HSPA12A: variants seen among roughly 807,000 people sequenced by gnomAD.
HSPA12A encodes heat shock 70 kDa protein 12A.
A neutral mutation model predicts 69.2 loss-of-function variants in HSPA12A; 28 were observed. The observed-to-expected ratio is 0.40, with a 90% CI of 0.30 to 0.55. The LOEUF (loss-of-function observed/expected upper bound fraction) is 0.55. Ranked by LOEUF, HSPA12A falls within the 20% of genes least tolerant of loss-of-function variation. HSPA12A has a pLI of 0.38. For missense variants in HSPA12A, 686 were observed against 900.7 expected (o/e 0.76, Z 3.05); for synonymous variants, 345 against 370.5 (o/e 0.93, Z 0.79).
At chr10:116,711,833 T>G (rs78342012) in intron 1 of HSPA12A, among the ~76,000 whole-genome samples, 157 of 112,420 alleles carry the variant, frequency 1.4e-3, no homozygotes, top group Admixed American at 3.4e-3. Context: ...CCAGCTAATG[T>G]TTTTTTTTTT....
At chr10:116,739,036 C>G (rs1851398296) in intron 1 of HSPA12A, among the ~76,000 whole-genome samples, 1 of 152,340 alleles carries the variant, frequency 6.6e-6, no homozygotes, top group East Asian at 1.9e-4. Flanking sequence ...AACCAGCGCC[C>G]TGTCACTACC....
chr10:116,782,122 C>T (rs1394543757), intron 2 of HSPA12A, among the ~76,000 whole-genome samples: 4 of 152,140 alleles, frequency 2.6e-5, no homozygotes, highest in South Asian at 2.1e-4. Flanking sequence ...AAGAGACGTT[C>T]GCAGAGATGC....
At position 116,835,007 on chromosome 10, in the gene HSPA12A, C is replaced by A. The variant is rs560278798; in HGVS notation, c.19G>T (p.Val7Leu). 23 of 1,231,162 alleles carry A rather than the reference C, an allele frequency of 1.9e-5. No homozygotes were observed. In the African/African-American group the frequency reaches 2.3e-4, roughly 12 times the overall value. 76.3% of individuals were successfully genotyped at this position (1,231,162 alleles called of 1,614,324 possible). ...GCTTTACACCCACAGAATCCGTACA[C>A]GCCAACACTCTCCATCTGTAGGAGG... The change falls in exon 2 of 13, where the codon GTG becomes TTG. Residue 7 changes from valine to leucine, a missense_variant. Coordinates refer to the HSPA12A transcript ENST00000635765.
At chr10:116,813,278 C>T (rs1845231351) in intron 2 of HSPA12A, among the ~76,000 whole-genome samples, 2 of 92,806 alleles carry the variant, frequency 2.2e-5, no homozygotes, top group Admixed American at 1.6e-4. Context: ...TGGAGTCTTG[C>T]TCTGTTGCCC....
chr10:116,745,076 G>A (rs535165957), upstream of HSPA12A, among the ~76,000 whole-genome samples: 3 of 152,136 alleles, frequency 2.0e-5, no homozygotes, highest in South Asian at 6.2e-4. Flanking sequence ...TCCTTCAAGA[G>A]AATCAATCAC....
rs376895420 is a variant in HSPA12A at position 116,679,490 on chromosome 10, G to A, written c.1286+13C>T. ...TAGAATGTCCAGAGCCCGAGGTGAT[G>A]AGCCCAACTCACTTGCTTTTCCGCA... is the stretch of plus-strand genomic sequence containing the variant. On this transcript the variant is annotated intron_variant, in intron 10 of 11. Transcript: ENST00000369209. 16 of 1,610,272 alleles carry A rather than the reference G, an allele frequency of 9.9e-6. No individual in the cohort carries two copies. The highest frequency in any genetic ancestry group is 2.2e-5 in the East Asian group (1 of 44,826).
chr10:116,715,999 C>T (rs989611503), intron 1 of HSPA12A, among the ~76,000 whole-genome samples: 1 of 152,196 alleles, frequency 6.6e-6, no homozygotes, highest in East Asian at 1.9e-4. Flanking sequence ...CTGGCCCCCT[C>T]GCAGATGACA....
chr10:116,800,542 C>T (rs536684967), intron 2 of HSPA12A, among the ~76,000 whole-genome samples: 4 of 152,324 alleles, frequency 2.6e-5, no homozygotes, highest in South Asian at 2.1e-4. Context: ...AGGAGCTACC[C>T]GGCAAGCTTT....
chr10:116,762,320 CT>C (rs774199155), intron 2 of HSPA12A, among the ~76,000 whole-genome samples: 5 of 152,232 alleles, frequency 3.3e-5, no homozygotes, highest in Non-Finnish European at 7.3e-5. Flanking sequence ...TCCCTCACCC[CT>C]AATCCATTTC....
At chr10:116,705,824 G>A (rs1158071715) in intron 2 of HSPA12A, among the ~76,000 whole-genome samples, 2 of 151,698 alleles carry the variant, frequency 1.3e-5, no homozygotes, top group East Asian at 1.9e-4. Flanking sequence ...GACTGTCAGG[G>A]CCCAGGGCCT....
At chr10:116,831,662 A>G (rs1055634403) in intron 2 of HSPA12A, 1 of 152,222 alleles carries the variant, frequency 6.6e-6, no homozygotes, top group African/African-American at 2.4e-5. Context: ...GGAGTCTATC[A>G]ATGCCACAAA....
At chr10:116,819,917 C>T (rs933221143) in intron 2 of HSPA12A, among the ~76,000 whole-genome samples, 1 of 152,158 alleles carries the variant, frequency 6.6e-6, no homozygotes, top group Non-Finnish European at 1.5e-5. Flanking sequence ...GCCTCAACTT[C>T]CTGGGCTCAA....
chr10:116,739,954 C>T (rs1173651639), intron 1 of HSPA12A, among the ~76,000 whole-genome samples: 26 of 152,078 alleles, frequency 1.7e-4, no homozygotes, highest in Non-Finnish European at 3.4e-4. Context: ...CCCAACACCA[C>T]CTACCCACCA....
intron 2 of HSPA12A, among the ~76,000 whole-genome samples, chr10:116,818,517 T>C (rs1040408042): frequency 2.0e-5 from 3 of 151,156 alleles, no homozygotes; most frequent in African/African-American, 4.9e-5. Context: ...GCCCGCCCCA[T>C]AGTCAGATCG....
Position 116,842,369 on chromosome 10 carries a change from A to C in HSPA12A, c.3+7197T>G, listed in dbSNP as rs58914513. Among the ~76,000 whole-genome samples the C allele has an allele frequency of 2.5e-3, 374 of 152,302 alleles. 10 individuals are homozygous for C. In the East Asian group the frequency reaches 0.058, roughly 23 times the overall value. ...CTCTTCTTTGCTGCCCCCTATGTGG[A>C]AACTACCTTTAACATTTTCTTCACT... On this transcript the variant is annotated intron_variant, in intron 1 of 12. Transcript: ENST00000635765.
chr10:116,730,957 C>T (rs1433323250), intron 1 of HSPA12A, among the ~76,000 whole-genome samples: 3 of 152,184 alleles, frequency 2.0e-5, no homozygotes, highest in Admixed American at 6.5e-5. Flanking sequence ...GGGGAGAAGC[C>T]GAGGAGCTTG....
chr10:116,744,112 G>A (rs1047766580), upstream of HSPA12A, among the ~76,000 whole-genome samples: 1 of 152,150 alleles, frequency 6.6e-6, no homozygotes, highest in Non-Finnish European at 1.5e-5. Flanking sequence ...CATGCTTTGT[G>A]ATCTGGTCTG....
rs181461479 is a variant in HSPA12A at position 116,817,170 on chromosome 10, C to A, written c.91+17765G>T. 3.9e-3 allele frequency among the ~76,000 whole-genome samples: 589 copies of A among 152,152 alleles called. 4 individuals are homozygous for A. Among genetic ancestry groups the A allele is most frequent in the African/African-American group, 0.013 (546 of 41,498 alleles). Reference sequence around the variant, plus strand: ...GTTACAATTAACAAAAGGAGAAACCCATTTGCTGTTTTTTTTCCCGGGGAT... The same window carrying A: ...GTTACAATTAACAAAAGGAGAAACCAATTTGCTGTTTTTTTTCCCGGGGAT... On this transcript the variant is annotated intron_variant, in intron 2 of 12. Coordinates refer to the HSPA12A transcript ENST00000635765.
At chr10:116,812,825 T>A (rs1165634219) in intron 2 of HSPA12A, among the ~76,000 whole-genome samples, 1 of 152,056 alleles carries the variant, frequency 6.6e-6, no homozygotes, top group Non-Finnish European at 1.5e-5. Context: ...CAGACACAGA[T>A]GAGCTTTGGG....
Sources: allele counts gnomAD v4.1 joint callset (sites outside exome capture counted in the v4.1 genomes callset), GRCh38; gene constraint gnomAD v4.1.1; transcripts MANE v1.5; gene names NCBI Gene and HGNC (gene_info 2026-07-23, HGNC 2026-07-21).